Variants in GALNT13 observed in about 807,000 individuals in gnomAD.
GALNT13 encodes UDP-GalNAc:polypeptide N-acetylgalactosaminyltransferase 13.
A neutral mutation model predicts 64.2 loss-of-function variants in GALNT13; 28 were observed. The ratio of observed to expected loss-of-function variants is 0.44; its 90% confidence interval spans 0.32 to 0.60. The LOEUF is 0.60. Among genes scored for constraint, GALNT13 ranks in the 20% least tolerant of loss-of-function variants. The probability of loss-of-function intolerance (pLI) is 0.05; values close to 1 mark genes in which losing one functional copy is unlikely to be tolerated. For synonymous variants in GALNT13, 214 were observed against 224.6 expected (o/e 0.95, Z 0.42); for missense variants, 577 against 669.8 (o/e 0.86, Z 1.53).
chr2:153,682,816 T>A, the GALNT13 span, among the ~76,000 whole-genome samples: 4 of 151,926 alleles, frequency 2.6e-5, no homozygotes, highest in African/African-American at 9.6e-5. Flanking sequence ...ATGTAATGGC[T>A]AAACCACATG....
chr2:153,262,300 G>A, the GALNT13 span, among the ~76,000 whole-genome samples: 1 of 152,078 alleles, frequency 6.6e-6, no homozygotes, highest in African/African-American at 2.4e-5. Context: ...AATTCTTCCA[G>A]AACTCAGTCT....
the GALNT13 span, among the ~76,000 whole-genome samples, chr2:153,637,777 T>A: frequency 1.3e-5 from 2 of 152,180 alleles, no homozygotes; most frequent in Non-Finnish European, 2.9e-5. Context: ...AATAACCATA[T>A]GTAATTAGGT....
the GALNT13 span, among the ~76,000 whole-genome samples, chr2:153,163,136 T>G: frequency 1.3e-5 from 2 of 152,216 alleles, no homozygotes; most frequent in Admixed American, 6.5e-5. Flanking sequence ...CATGGCCTGA[T>G]AGCAATTTGG....
chr2:153,898,253 T>G (rs1688009435), intron 1 of GALNT13, among the ~76,000 whole-genome samples: 1 of 152,178 alleles, frequency 6.6e-6, no homozygotes, highest in African/African-American at 2.4e-5. Context: ...GTGTTTTAAT[T>G]TGTTTTTTTA....
intron 3 of GALNT13, among the ~76,000 whole-genome samples, chr2:153,975,493 T>C (rs754362346): frequency 2.0e-5 from 3 of 152,140 alleles, no homozygotes; most frequent in Non-Finnish European, 4.4e-5. Flanking sequence ...TTGCAAGTTA[T>C]GTTCATATCA....
chr2:154,248,072 TA>T (rs1481083487), intron 7 of GALNT13, among the ~76,000 whole-genome samples: 3 of 152,130 alleles, frequency 2.0e-5, no homozygotes, highest in African/African-American at 7.2e-5. Flanking sequence ...TCTGAATAGC[TA>T]AAGTGATGAA....
chr2:154,151,777 T>G (rs1434658690), intron 4 of GALNT13, among the ~76,000 whole-genome samples: 2 of 152,210 alleles, frequency 1.3e-5, no homozygotes, highest in African/African-American at 4.8e-5. Context: ...GTTTTCCATT[T>G]GCTTGGTAGA....
chr2:154,011,224 G>GCAATTAGTGCTGTAAA (rs147554714), intron 3 of GALNT13, among the ~76,000 whole-genome samples: 2 of 151,880 alleles, frequency 1.3e-5, no homozygotes, highest in South Asian at 2.1e-4. Flanking sequence ...TTGTGATGTA[G>GCAATTAGTGCTGTAAA]CTTTCTTCTT....
At chr2:153,742,588 C>T in the GALNT13 span, among the ~76,000 whole-genome samples, 1 of 152,076 alleles carries the variant, frequency 6.6e-6, no homozygotes, top group Non-Finnish European at 1.5e-5. Context: ...CTATGCTTCC[C>T]CTTTTTCAGT....
chr2:154,368,069 T>C (rs570844986), intron 9 of GALNT13, among the ~76,000 whole-genome samples: 2 of 152,286 alleles, frequency 1.3e-5, no homozygotes, highest in South Asian at 4.1e-4. Flanking sequence ...CATTGAAATA[T>C]GAGTATATTT....
the GALNT13 span, among the ~76,000 whole-genome samples, chr2:153,364,988 A>T: frequency 6.6e-6 from 1 of 152,204 alleles, no homozygotes; most frequent in African/African-American, 2.4e-5. Flanking sequence ...CTGACTTCAA[A>T]CTACACTGGA....
intron 11 of GALNT13, among the ~76,000 whole-genome samples, chr2:154,420,449 T>G (rs1333142458): frequency 1.3e-5 from 2 of 152,164 alleles, no homozygotes; most frequent in Non-Finnish European, 2.9e-5. Flanking sequence ...CCACCTTGTC[T>G]TCAAATAGTT....
the GALNT13 span, among the ~76,000 whole-genome samples, chr2:153,765,347 T>A: frequency 3.3e-5 from 5 of 152,184 alleles, no homozygotes; most frequent in South Asian, 1.0e-3. Context: ...GTGACCTGGA[T>A]GTGAGACATA....
At chr2:153,969,934 AT>A (rs1296567779) in intron 3 of GALNT13, among the ~76,000 whole-genome samples, 1 of 152,100 alleles carries the variant, frequency 6.6e-6, no homozygotes, top group Non-Finnish European at 1.5e-5. Context: ...AAGGTGAGAG[AT>A]TGTTCTTAAG....
chr2:154,147,794 T>C (rs751883866), intron 4 of GALNT13, among the ~76,000 whole-genome samples: 2 of 152,228 alleles, frequency 1.3e-5, no homozygotes, highest in Non-Finnish European at 2.9e-5. Context: ...TTTTTACTTA[T>C]GTTTTTCCTA....
At chr2:153,148,513 G>C in the GALNT13 span, among the ~76,000 whole-genome samples, 1 of 133,296 alleles carries the variant, frequency 7.5e-6, no homozygotes, top group Non-Finnish European at 1.6e-5. Flanking sequence ...TTATTTAGTT[G>C]TTTTAAATAG....
At chr2:153,695,399 C>T in the GALNT13 span, among the ~76,000 whole-genome samples, 1 of 152,292 alleles carries the variant, frequency 6.6e-6, no homozygotes, top group African/African-American at 2.4e-5. Context: ...AAATGTAAGT[C>T]TTTCTAAGTT....
At chr2:154,152,026 C>T (rs1157666708) in intron 4 of GALNT13, among the ~76,000 whole-genome samples, 4 of 152,298 alleles carry the variant, frequency 2.6e-5, no homozygotes, top group South Asian at 2.1e-4. Context: ...TTCCTAGCCT[C>T]AATGGTCTTT....
the GALNT13 span, among the ~76,000 whole-genome samples, chr2:153,320,849 G>A: frequency 2.4e-4 from 36 of 152,080 alleles, no homozygotes; most frequent in Non-Finnish European, 4.7e-4. Context: ...TTCCTTTTCT[G>A]TTTGCAGATA....
Sources: gnomAD v4.1 joint callset for allele counts (sites outside exome capture counted in the v4.1 genomes callset) on GRCh38, gnomAD v4.1.1 for gene constraint, MANE v1.5 for transcripts, NCBI Gene and HGNC (gene_info 2026-07-23, HGNC 2026-07-21) for gene names.